Variants in DLGAP2 observed in about 807,000 individuals in gnomAD.
DLGAP2 encodes disks large-associated protein 2.
DLGAP2 carries 26 observed loss-of-function variants against 100.3 expected under a neutral mutation model. The observed-to-expected ratio is 0.26, with a 90% CI of 0.19 to 0.36. The LOEUF is 0.36. Among genes scored for constraint, DLGAP2 ranks in the 10% least tolerant of loss-of-function variants. DLGAP2 has a pLI of 1.00. For synonymous variants in DLGAP2, 886 were observed against 630.1 expected, an observed-to-expected ratio of 1.41 and a Z score of -6.08; for missense variants, 1,858 against 1,453.2, an observed-to-expected ratio of 1.28 and a Z score of -4.53.
chr8:1,441,708 A>T (rs993626592), intron 3 of DLGAP2, among the ~76,000 whole-genome samples: 5 of 150,468 alleles, frequency 3.3e-5, no homozygotes, highest in Non-Finnish European at 5.9e-5. Context: ...AAAAAGTAAA[A>T]CTCATATTTA....
chr8:1,059,006 C>G (rs1802969350), intron 2 of DLGAP2, among the ~76,000 whole-genome samples: 1 of 152,180 alleles, frequency 6.6e-6, no homozygotes, highest in South Asian at 2.1e-4. Flanking sequence ...GGATGTTGGC[C>G]ATAGCAGCGT....
intron 4 of DLGAP2, among the ~76,000 whole-genome samples, chr8:1,504,829 C>A (rs772712137): frequency 3.3e-5 from 5 of 152,278 alleles, no homozygotes; most frequent in Admixed American, 6.5e-5. Flanking sequence ...AGCATCTTAA[C>A]GAACACGAGA....
At chr8:1,423,059 G>C (rs1797143473) in intron 3 of DLGAP2, among the ~76,000 whole-genome samples, 1 of 152,204 alleles carries the variant, frequency 6.6e-6, no homozygotes, top group African/African-American at 2.4e-5. Flanking sequence ...AAACAAAGGT[G>C]AAAATGTTCA....
At chr8:1,116,949 T>G (rs1325659474) in intron 2 of DLGAP2, among the ~76,000 whole-genome samples, 1 of 152,220 alleles carries the variant, frequency 6.6e-6, no homozygotes. Flanking sequence ...AGCTACTGGC[T>G]TCCTCTGCGG....
intron 1 of DLGAP2, among the ~76,000 whole-genome samples, chr8:879,507 C>T (rs550198437): frequency 1.2e-4 from 19 of 152,286 alleles, no homozygotes; most frequent in African/African-American, 4.6e-4. Context: ...TCATCCCTGC[C>T]TTAGGTTAGA....
chr8:1,081,820 A>G (rs1803820299), intron 2 of DLGAP2, among the ~76,000 whole-genome samples: 1 of 152,186 alleles, frequency 6.6e-6, no homozygotes, highest in African/African-American at 2.4e-5. Flanking sequence ...AATTTCACCC[A>G]CAGCGACAAA....
intron 2 of DLGAP2, among the ~76,000 whole-genome samples, chr8:973,744 T>G (rs1431515925): frequency 2.0e-5 from 3 of 152,182 alleles, no homozygotes; most frequent in African/African-American, 4.8e-5. Context: ...TTGGAGATCA[T>G]GGAGGGAAGG....
At chr8:1,442,326 C>T (rs1176779177) in intron 3 of DLGAP2, among the ~76,000 whole-genome samples, 1 of 145,526 alleles carries the variant, frequency 6.9e-6, no homozygotes, top group Non-Finnish European at 1.5e-5. Flanking sequence ...TGGGTTCAGC[C>T]ACTGGGGGAG....
intron 1 of DLGAP2, among the ~76,000 whole-genome samples, chr8:778,219 G>A: frequency 6.6e-6 from 1 of 152,016 alleles, no homozygotes; most frequent in African/African-American, 2.4e-5. Context: ...GCACTTCTCT[G>A]TATTGGTTAT....
chr8:1,457,126 T>G (rs1798337892), intron 3 of DLGAP2, among the ~76,000 whole-genome samples: 1 of 152,194 alleles, frequency 6.6e-6, no homozygotes, highest in African/African-American at 2.4e-5. Flanking sequence ...GTTGCAAGAT[T>G]TTTCAGTGTA....
At chr8:741,642 C>G (rs1386346693) in intron 1 of DLGAP2, among the ~76,000 whole-genome samples, 1 of 152,196 alleles carries the variant, frequency 6.6e-6, no homozygotes, top group Non-Finnish European at 1.5e-5. Flanking sequence ...GTTGAGCTTT[C>G]TAGACCCGTT....
At chr8:1,546,261 C>T (rs1189983302) in intron 4 of DLGAP2, among the ~76,000 whole-genome samples, 1 of 152,194 alleles carries the variant, frequency 6.6e-6, no homozygotes, top group Non-Finnish European at 1.5e-5. Flanking sequence ...TCTCTTTATC[C>T]TTCAACTGGG....
intron 6 of DLGAP2, among the ~76,000 whole-genome samples, chr8:1,567,680 G>A (rs905639714): frequency 2.0e-5 from 3 of 152,092 alleles, no homozygotes; most frequent in African/African-American, 4.8e-5. Flanking sequence ...AGTCCTGTAC[G>A]AGGCTCCAGT....
At chr8:1,359,094 G>A (rs938889539) in intron 3 of DLGAP2, among the ~76,000 whole-genome samples, 9 of 152,290 alleles carry the variant, frequency 5.9e-5, no homozygotes, top group African/African-American at 1.9e-4. Flanking sequence ...AATTCCCAGG[G>A]GTTGCTGAGG....
At chr8:775,346 TCTC>T (rs1413341291) in intron 1 of DLGAP2, among the ~76,000 whole-genome samples, 2 of 151,264 alleles carry the variant, frequency 1.3e-5, no homozygotes, top group Non-Finnish European at 2.9e-5. Flanking sequence ...TTTATTTCCT[TCTC>T]CTGCCTAATT....
At chr8:1,210,003 A>G (rs1798070354) in intron 2 of DLGAP2, among the ~76,000 whole-genome samples, 1 of 152,194 alleles carries the variant, frequency 6.6e-6, no homozygotes, top group African/African-American at 2.4e-5. Flanking sequence ...AATCTCCAGG[A>G]TTCAGTGTCA....
chr8:863,402 G>T (rs989232606), intron 1 of DLGAP2, among the ~76,000 whole-genome samples: 3 of 152,206 alleles, frequency 2.0e-5, no homozygotes, highest in Non-Finnish European at 2.9e-5. Context: ...GACTCACTGT[G>T]AAGAATAATT....
intron 1 of DLGAP2, among the ~76,000 whole-genome samples, chr8:752,891 C>G (rs1820827565): frequency 6.6e-6 from 1 of 152,180 alleles, no homozygotes; most frequent in Non-Finnish European, 1.5e-5. Flanking sequence ...CTCAGAGCAG[C>G]CTTCTGTAGG....
At chr8:1,520,473 C>G (rs1045121130) in intron 4 of DLGAP2, among the ~76,000 whole-genome samples, 4 of 152,196 alleles carry the variant, frequency 2.6e-5, no homozygotes, top group African/African-American at 7.2e-5. Context: ...AGGGGTCACG[C>G]TTGGCATGGT....
Sources: gnomAD v4.1 joint callset for allele counts (sites outside exome capture counted in the v4.1 genomes callset) on GRCh38, gnomAD v4.1.1 for gene constraint, MANE v1.5 for transcripts, NCBI Gene and HGNC (gene_info 2026-07-23, HGNC 2026-07-21) for gene names.